The following CD101 variants were observed in gnomAD, a reference collection of about 807,000 sequenced individuals.
CD101 encodes immunoglobulin superfamily member 2.
Under a neutral mutation model 98.2 loss-of-function variants are expected in CD101, and 76 were observed. The observed-to-expected ratio is 0.77, with a 90% confidence interval of 0.64 to 0.94. The LOEUF (loss-of-function observed/expected upper bound fraction) is 0.94. Among genes scored for constraint, CD101 ranks in the 40% least tolerant of loss-of-function variants. The pLI is 0.00. For synonymous variants in CD101, 471 were observed against 472.7 expected (o/e 1.00, Z 0.05); for missense variants, 1,145 against 1,218.8 (o/e 0.94, Z 0.90).
intron 1 of CD101, among the ~76,000 whole-genome samples, chr1:117,008,724 T>C (rs949860897): frequency 2.0e-5 from 3 of 152,004 alleles, no homozygotes; most frequent in Non-Finnish European, 4.4e-5. Context: ...TTCCCTCACT[T>C]TTTTTTTCCA....
chr1:117,011,340 G>A (rs1652875243), intron 2 of CD101, among the ~76,000 whole-genome samples: 1 of 152,146 alleles, frequency 6.6e-6, no homozygotes, highest in East Asian at 1.9e-4. Flanking sequence ...CATTGATGAG[G>A]CATTTACTTT....
chr1:117,035,388 A>C (rs766033937), intron 9 of CD101, among the ~76,000 whole-genome samples: 3 of 152,202 alleles, frequency 2.0e-5, no homozygotes, highest in Admixed American at 6.5e-5. Context: ...ATTGGTGGCT[A>C]TGAGCACTCC....
intron 9 of CD101, among the ~76,000 whole-genome samples, chr1:117,034,474 C>T (rs1372993882): frequency 6.6e-6 from 1 of 152,172 alleles, no homozygotes; most frequent in Non-Finnish European, 1.5e-5. Context: ...TGTCACTTGT[C>T]ACACCTGCTC....
rs183572552 is a variant in CD101, at chr1:117,021,412, A to G, written c.2018-161A>G. 7.2e-5 allele frequency among the ~76,000 whole-genome samples: 11 copies of G among 152,318 alleles called. No individual in the cohort carries two copies. Among genetic ancestry groups the G allele is most frequent in the African/African-American group, 2.6e-4 (11 of 41,580 alleles). ...AAATGGGCTGCCTTGTCAGCTAGTG[A>G]TGCTGTTCAAAAGCTGTATGAGCAG... On this transcript the variant is annotated intron_variant, in intron 6 of 9. Transcript: ENST00000682167. This position sits in a 1 kb window ranked among gnomAD's most constrained non-coding sequence, Gnocchi z 4.7.
rs767107513 is a variant in CD101, at chr1:117,017,285, A to G, written c.1424A>G (p.Tyr475Cys). The change falls in exon 5 of 10, where the codon TAT becomes TGT. Residue 475 changes from tyrosine (Y) to cysteine (C), a missense_variant. Tyr to Cys is a radical substitution (Grantham distance 194). Coordinates refer to ENST00000682167, the MANE Select transcript of CD101 (RefSeq NM_001256106.3). Reference protein sequence around the residue: ...QDGIVQLGASYGVPSYHGNTR... With the variant: ...QDGIVQLGASCGVPSYHGNTR... The stretch of plus-strand genomic sequence containing the variant: ...GGCATTGTGCAGCTGGGTGCCTCCT[A>G]TGGGGTACCCAGTTACCATGGCAAC... The G allele has an allele frequency of 1.3e-5, 21 of 1,614,108 alleles. No homozygotes were observed. Among genetic ancestry groups the G allele is most frequent in the Admixed American group, 3.3e-5 (2 of 60,014 alleles).
chr1:117,016,118 C>T (rs1653201026), intron 4 of CD101, among the ~76,000 whole-genome samples: 1 of 150,858 alleles, frequency 6.6e-6, no homozygotes, highest in African/African-American at 2.4e-5. Context: ...TTTACAACAA[C>T]GTGTGTTGTC....
rs1415432461 is a variant in CD101, at chr1:117,011,703, G to A, written c.578G>A (p.Ser193Asn). Residue 193 changes from serine (S) to asparagine (N), a missense_variant, in exon 3 of 10, where the codon AGC (serine) becomes AAC (asparagine). Physicochemically the swap from Ser to Asn is conservative, Grantham distance 46. Coordinates refer to ENST00000682167, the MANE Select transcript of CD101 (RefSeq NM_001256106.3). ...TWYLTQDGGGSQATEIISLSK... is the reference protein window; with the variant it reads ...TWYLTQDGGGNQATEIISLSK... Reference sequence around the variant, plus strand: ...TACCTAACACAGGATGGAGGAGGAAGCCAAGCCACTGAGATTATTTCTCTC... The same window carrying A: ...TACCTAACACAGGATGGAGGAGGAAACCAAGCCACTGAGATTATTTCTCTC... The A allele has an allele frequency of 1.2e-6, 2 of 1,613,998 alleles. No homozygotes were observed. Among genetic ancestry groups the A allele is most frequent in the African/African-American group, 2.7e-5 (2 of 74,906 alleles).
chr1:117,031,459 T>C (rs891409383), intron 8 of CD101, among the ~76,000 whole-genome samples: 1 of 152,178 alleles, frequency 6.6e-6, no homozygotes, highest in African/African-American at 2.4e-5. Flanking sequence ...TCCTAAGTAA[T>C]CATTTCAGTC....
rs575575884 is a variant in CD101, at chr1:117,017,467, T to C, written c.1606T>C (p.Ser536Pro). Residue 536 changes from serine to proline, a missense_variant, in exon 5 of 10, where the codon TCT becomes CCT. By Grantham distance (74) the Ser-to-Pro change is moderately conservative. Coordinates refer to ENST00000682167, the MANE Select transcript of CD101 (RefSeq NM_001256106.3). Reference sequence around the variant, plus strand: ...TCAGAAGATTTCAGTTACTGTAAAGTCTCTGGGTAAGTGTCAAAGGAAGTC... The same window carrying C: ...TCAGAAGATTTCAGTTACTGTAAAGCCTCTGGGTAAGTGTCAAAGGAAGTC... The part of the protein sequence containing the change: ...WTQKISVTVK[S>P]LESSLQVSLM... 68 of 1,607,628 alleles carry C rather than the reference T, an allele frequency of 4.2e-5. No homozygotes were observed. The Middle Eastern group carries it at 6.7e-4, about 16-fold the overall frequency.
rs372695965 is a variant in CD101 at position 117,033,866 on chromosome 1, C to G, written c.2831C>G (p.Thr944Arg). The G allele has an allele frequency of 6.2e-7, 1 of 1,614,176 alleles. No homozygotes were observed. The highest frequency in any genetic ancestry group is 2.2e-5 in the East Asian group (1 of 44,892). ...MVLTVLPSEPTLPSRICSSAP... is the reference protein window; with the variant it reads ...MVLTVLPSEPRLPSRICSSAP... ...GTTTCTCCCTTCGTTGCAGAGCCCA[C>G]GCTTCCTTCCAGGATCTGCTCCTCG... The change falls in exon 9 of 10, where the codon ACG becomes AGG. Residue 944 changes from threonine to arginine, a missense_variant. Transcript: ENST00000682167. This position sits in a 1 kb window ranked among gnomAD's most constrained non-coding sequence, Gnocchi z 4.8.
intron 1 of CD101, among the ~76,000 whole-genome samples, chr1:117,008,073 A>AGGT (rs1261190811): frequency 1.3e-5 from 2 of 152,220 alleles, no homozygotes; most frequent in Non-Finnish European, 2.9e-5. Flanking sequence ...CATTTTTCTA[A>AGGT]GGTGGTCTAA....
rs771056635 is a variant in CD101, at chr1:117,021,812, A to C, written c.2257A>C (p.Thr753Pro). 21 of 1,614,188 alleles carry C rather than the reference A, an allele frequency of 1.3e-5. No homozygotes were observed. The South Asian group carries it at 2.3e-4, about 18-fold the overall frequency. ...CCCACAGAGAAAACAAAAATTTCAT[A>C]CTGAGAAGGTTTCCCAAGACTTATT... ...HTPQRKQKFH[T>P]EKVSQDLFQL... The change falls in exon 7 of 10, where the codon ACT (threonine) becomes CCT (proline). Residue 753 changes from threonine to proline, a missense_variant. By Grantham distance (38) the Thr-to-Pro change is conservative. Transcript: ENST00000682167. This position sits in a 1 kb window ranked among gnomAD's most constrained non-coding sequence, Gnocchi z 4.7.
rs1363048015 is a variant in CD101 at position 117,019,935 on chromosome 1, G to T, written c.2017+1375G>T. Among the ~76,000 whole-genome samples, 2 of 152,090 alleles carry T rather than the reference G, an allele frequency of 1.3e-5. No individual in the cohort carries two copies. The highest frequency in any genetic ancestry group is 1.3e-4 in the Admixed American group (2 of 15,264). ...AGGTCCTTTATCATCTGGTACATTT[G>T]TGTCTTTCCAGCATCATCTCCTTCA... On this transcript the variant is annotated intron_variant, in intron 6 of 9. Coordinates refer to ENST00000682167, the MANE Select transcript of CD101 (RefSeq NM_001256106.3). This position sits in a 1 kb window ranked among gnomAD's most constrained non-coding sequence, Gnocchi z 4.3.
In CD101 at chr1:117,016,984, C is replaced by T. The variant is rs563808977; in HGVS notation, c.1229-106C>T. 3.3e-4 allele frequency: 433 copies of T among 1,298,800 alleles called. 4 individuals are homozygous for T. In the Middle Eastern group the frequency reaches 0.018, roughly 53 times the overall value. 80.5% of individuals were successfully genotyped at this position (1,298,800 alleles called of 1,614,324 possible). ...TGCAAGAGGAAACAGCCCAATTTGA[C>T]TTGTCACAAACTAGTCAAGTCCTAA... On this transcript the variant is annotated intron_variant, in intron 4 of 9. Transcript: ENST00000682167.
At chr1:117,008,272 C>T (rs1352490582) in intron 1 of CD101, among the ~76,000 whole-genome samples, 1 of 152,056 alleles carries the variant, frequency 6.6e-6, no homozygotes, top group Non-Finnish European at 1.5e-5. Flanking sequence ...CGAGACCAGC[C>T]TGGCCAACAT....
rs187576643 is a variant in CD101 at position 117,012,698 on chromosome 1, G to A, written c.842-708G>A. Reference sequence around the variant, plus strand: ...GCTGGGATTTCAGGCGTGAGCCACCGCACCCAGCCTGCTGTTACTTTTCAT... The same window carrying A: ...GCTGGGATTTCAGGCGTGAGCCACCACACCCAGCCTGCTGTTACTTTTCAT... On this transcript the variant is annotated intron_variant, in intron 3 of 9. Coordinates refer to ENST00000682167, the MANE Select transcript of CD101 (RefSeq NM_001256106.3). This position sits in a 1 kb window ranked among gnomAD's most constrained non-coding sequence, Gnocchi z 4.0. Among the ~76,000 whole-genome samples the A allele has an allele frequency of 3.5e-3, 527 of 152,252 alleles. 1 individual carries two copies. The highest frequency in any genetic ancestry group is 5.8e-3 in the Non-Finnish European group (392 of 68,022).
Position 117,022,114 on chromosome 1 carries a change from C to G in CD101, c.2428+131C>G. 1 of 997,624 alleles carries G rather than the reference C, an allele frequency of 1.0e-6. No individual in the cohort carries two copies. The highest frequency in any genetic ancestry group is 2.5e-5 in the East Asian group (1 of 39,884). 61.8% of individuals were successfully genotyped at this position (997,624 alleles called of 1,614,324 possible). A position where few individuals can be genotyped will look rare whatever the true frequency, so the allele number is the denominator to read the frequency against. On this transcript the variant is annotated intron_variant, in intron 7 of 9. Transcript: ENST00000682167. The surrounding 1 kb of genome is among the most constrained non-coding windows in gnomAD (Gnocchi z 4.8). ...AAGTCATAGGAACAGTATCTACCTA[C>G]ACATGACTGCAAGACCGAGTAGTCC...
rs1653892032 is a variant in CD101, at chr1:117,025,921, C to A, written c.2824+17C>A. ...TGCCTTCAGGTAACCAGGGGTTTAT[C>A]TACCGCGAGCTCATGGTCAGGAGAA... On this transcript the variant is annotated intron_variant, in intron 8 of 9. Coordinates refer to ENST00000682167, the MANE Select transcript of CD101 (RefSeq NM_001256106.3). 1 of 1,586,930 alleles carries A rather than the reference C, an allele frequency of 6.3e-7. No homozygotes were observed. The highest frequency in any genetic ancestry group is 8.6e-7 in the Non-Finnish European group (1 of 1,162,324).
At chr1:117,029,221 G>T (rs1465944032) in intron 8 of CD101, among the ~76,000 whole-genome samples, 1 of 40,860 alleles carries the variant, frequency 2.4e-5, no homozygotes, top group Non-Finnish European at 4.5e-5. Context: ...AGAAAAGAAA[G>T]AAAGAAAGAA....
Sources: allele counts gnomAD v4.1 joint callset (sites outside exome capture counted in the v4.1 genomes callset), GRCh38; gene constraint gnomAD v4.1.1; non-coding constraint Gnocchi (gnomAD v3.1); transcripts MANE v1.5; gene names NCBI Gene and HGNC (gene_info 2026-07-23, HGNC 2026-07-21).